The following TACC2 variants were observed in gnomAD, a reference collection of about 807,000 sequenced individuals.
TACC2 encodes transforming acidic coiled-coil-containing protein 2.
A neutral mutation model predicts 227.3 loss-of-function variants in TACC2; 137 were observed. That is an observed-to-expected ratio of 0.60 (90% CI 0.52 to 0.69). The LOEUF (loss-of-function observed/expected upper bound fraction) is 0.69, where lower values mean the gene tolerates loss of function less well. TACC2 is among the 30% of genes least tolerant of loss of function. The pLI is 0.00. For synonymous variants in TACC2, 1,523 were observed against 1,487.5 expected, an observed-to-expected ratio of 1.02 and a Z score of -0.55; for missense variants, 3,470 against 3,694.4, an observed-to-expected ratio of 0.94 and a Z score of 1.57.
chr10:122,045,420 G>A (rs1337310016), intron 2 of TACC2, among the ~76,000 whole-genome samples: 16 of 152,240 alleles, frequency 1.1e-4, no homozygotes. Flanking sequence ...TCCAAGCTGT[G>A]TGATCTTGGG....
chr10:122,084,825 T>C lies in TACC2; in HGVS notation c.2325T>C (p.His775=), dbSNP rs781548516. Residue 775 remains histidine, a synonymous_variant, in exon 4 of 23, where the codon CAT becomes CAC. Transcript: ENST00000369005. ...GTGATGCGTCGAGACAGGAATTTCA[T>C]GCTGGGGTGCCACATCCCCCCCAGG... ...PACDASRQEF[H]AGVPHPPQGE... The C allele has an allele frequency of 6.2e-7, 1 of 1,613,778 alleles. No homozygotes were observed. The highest frequency in any genetic ancestry group is 1.1e-5 in the South Asian group (1 of 91,088).
intron 2 of TACC2, among the ~76,000 whole-genome samples, chr10:122,032,016 C>T (rs1217198503): frequency 1.3e-5 from 2 of 152,058 alleles, no homozygotes; most frequent in East Asian, 1.9e-4. Flanking sequence ...CCTCAGCCTT[C>T]TGATCAGACC....
chr10:122,214,549 G>A (rs1360658258), intron 9 of TACC2, among the ~76,000 whole-genome samples: 3 of 152,106 alleles, frequency 2.0e-5, no homozygotes, highest in Non-Finnish European at 4.4e-5. Flanking sequence ...GACGGGGCAG[G>A]GGCCAGTCTA....
chr10:122,138,529 C>T (rs1014177627), intron 6 of TACC2, among the ~76,000 whole-genome samples: 2 of 151,980 alleles, frequency 1.3e-5, no homozygotes, highest in African/African-American at 2.4e-5. Context: ...AACAAACAAA[C>T]AAAGACTGAA....
At chr10:122,077,826 G>A (rs929108501) in intron 3 of TACC2, among the ~76,000 whole-genome samples, 30 of 152,122 alleles carry the variant, frequency 2.0e-4, no homozygotes, top group African/African-American at 6.5e-4. Context: ...GAACTTCTTC[G>A]GGAAAATGTC....
At chr10:122,036,336 G>T (rs1028168899) in intron 2 of TACC2, among the ~76,000 whole-genome samples, 2 of 151,634 alleles carry the variant, frequency 1.3e-5, no homozygotes, top group African/African-American at 4.8e-5. Flanking sequence ...GGGACTACAG[G>T]TGCCTGCCAC....
intron 5 of TACC2, among the ~76,000 whole-genome samples, chr10:122,119,264 G>A (rs528919712): frequency 6.6e-6 from 1 of 152,304 alleles, no homozygotes; most frequent in South Asian, 2.1e-4. Flanking sequence ...AGAAACTGAA[G>A]CTCAAAGAGG....
chr10:122,140,342 A>G (rs2090348312), intron 6 of TACC2, among the ~76,000 whole-genome samples: 1 of 152,234 alleles, frequency 6.6e-6, no homozygotes, highest in South Asian at 2.1e-4. Context: ...GCTCTGTCCT[A>G]AACAAAAAGA....
At chr10:122,063,241 C>T (rs949259018) in intron 3 of TACC2, among the ~76,000 whole-genome samples, 1 of 152,214 alleles carries the variant, frequency 6.6e-6, no homozygotes, top group Non-Finnish European at 1.5e-5. Flanking sequence ...AGACAGAGCC[C>T]TGTATTTCCC....
intron 6 of TACC2, among the ~76,000 whole-genome samples, chr10:122,137,168 G>A (rs527834011): frequency 5.9e-5 from 9 of 152,200 alleles, no homozygotes; most frequent in Non-Finnish European, 1.2e-4. Flanking sequence ...AAGCTGCTTC[G>A]GGGGTTGAGC....
In TACC2 at chr10:122,254,153, T is replaced by C; in HGVS notation, c.*97T>C. The C allele has an allele frequency of 1.0e-6, 1 of 973,980 alleles. No homozygotes were observed. The highest frequency in any genetic ancestry group is 1.7e-6 in the Non-Finnish European group (1 of 596,408). 60.3% of individuals were successfully genotyped at this position (973,980 alleles called of 1,614,324 possible). A position where few individuals can be genotyped will look rare whatever the true frequency, so the allele number is the denominator to read the frequency against. On this transcript the variant is annotated 3_prime_UTR_variant, in exon 23 of 23. Coordinates refer to ENST00000369005, the MANE Select transcript of TACC2 (RefSeq NM_206862.4). ...TCCATGGACAGGTTCTGTTTTCACT[T>C]TTTCGTATGCACTACTGTATTTCCT...
chr10:121,990,569 G>A (rs945346157), intron 1 of TACC2, among the ~76,000 whole-genome samples: 2 of 152,048 alleles, frequency 1.3e-5, no homozygotes, highest in Non-Finnish European at 2.9e-5. Context: ...CATTGTTCCT[G>A]GTGTTTCAGA....
intron 11 of TACC2, 23 bp downstream of exon 11, chr10:122,216,851 G>A: frequency 2.5e-6 from 4 of 1,614,074 alleles, no homozygotes; most frequent in Non-Finnish European, 3.4e-6. Context: ...GTAGCCAGCT[G>A]GACCCCCACT....
intron 7 of TACC2, among the ~76,000 whole-genome samples, chr10:122,171,295 G>A (rs1319071057): frequency 6.7e-6 from 1 of 149,174 alleles, no homozygotes; most frequent in Admixed American, 6.6e-5. Flanking sequence ...AGCTCTTCAT[G>A]CCTAAAACAG....
intron 8 of TACC2, among the ~76,000 whole-genome samples, chr10:122,201,030 G>A (rs1321366652): frequency 7.0e-6 from 1 of 143,880 alleles, no homozygotes; most frequent in African/African-American, 2.8e-5. Flanking sequence ...TGAGAGGACG[G>A]CCACCTCACC....
chr10:122,135,330 A>G (rs1171908760), intron 6 of TACC2, among the ~76,000 whole-genome samples: 1 of 152,214 alleles, frequency 6.6e-6, no homozygotes, highest in African/African-American at 2.4e-5. Context: ...TGTTACCTAC[A>G]ACCCTGACCA....
At position 122,211,059 on chromosome 10, in the gene TACC2, G is replaced by A; in HGVS notation, c.6634G>A (p.Gly2212Arg). 1 of 1,612,704 alleles carries A rather than the reference G, an allele frequency of 6.2e-7. No homozygotes were observed. The highest frequency in any genetic ancestry group is 8.5e-7 in the Non-Finnish European group (1 of 1,179,450). Residue 2212 changes from glycine (G) to arginine (R), a missense_variant, in exon 9 of 23, where the codon GGG (glycine) becomes AGG (arginine). Physicochemically the swap from Gly to Arg is moderately radical, Grantham distance 125 (BLOSUM62 -2). This residue lies in a region of TACC2 where 593 missense variants were observed against 636.6 expected (regional missense o/e 0.93). Coordinates refer to ENST00000369005, the MANE Select transcript of TACC2 (RefSeq NM_206862.4). ...CCCTCTGGACTCAGAGAGTGCAGAA[G>A]GGGTTGTCCCCCCGGCTTCTGGAGG... Reference protein sequence around the residue: ...ACPLDSESAEGVVPPASGGGR... With the variant: ...ACPLDSESAERVVPPASGGGR...
At chr10:122,076,111 C>T (rs144090959) in intron 3 of TACC2, among the ~76,000 whole-genome samples, 13 of 152,208 alleles carry the variant, frequency 8.5e-5, no homozygotes, top group South Asian at 4.2e-4. Flanking sequence ...TGATTTCTTA[C>T]GGTTATGGAG....
At chr10:122,046,402 A>G (rs2075006927) in intron 2 of TACC2, among the ~76,000 whole-genome samples, 1 of 152,118 alleles carries the variant, frequency 6.6e-6, no homozygotes, top group South Asian at 2.1e-4. Context: ...TGAACCCAGG[A>G]GGCGGAGCTT....
Sources: gnomAD v4.1 joint callset for allele counts (sites outside exome capture counted in the v4.1 genomes callset) on GRCh38, gnomAD v4.1.1 for gene constraint, gnomAD v4.1.1 regional missense constraint, MANE v1.5 for transcripts, NCBI Gene and HGNC (gene_info 2026-07-23, HGNC 2026-07-21) for gene names.